BMAL1: variants seen among roughly 807,000 people sequenced by gnomAD.
BMAL1 encodes the protein basic helix-loop-helix ARNT like 1.
At chr11:13,300,376 T>A in the BMAL1 span, among the ~76,000 whole-genome samples, 1 of 152,262 alleles carries the variant, frequency 6.6e-6, no homozygotes, top group African/African-American at 2.4e-5. Flanking sequence ...GAATTTCTTT[T>A]TTCAAGAAGA....
At chr11:13,314,229 CCACACACACA>C in the BMAL1 span, among the ~76,000 whole-genome samples, 29 of 138,746 alleles carry the variant, frequency 2.1e-4, no homozygotes, top group East Asian at 4.4e-4. Context: ...AGGGTGGAGA[CCACACACACA>C]CACACACACA....
chr11:13,293,703 C>G, the BMAL1 span, among the ~76,000 whole-genome samples: 2 of 152,228 alleles, frequency 1.3e-5, no homozygotes, highest in Middle Eastern at 3.2e-3. Context: ...CATGGGCAGA[C>G]GCCTGCAGCT....
chr11:13,378,666 T>G, the BMAL1 span: 2 of 558,234 alleles, frequency 3.6e-6, no homozygotes, highest in Non-Finnish European at 6.0e-6. Context: ...CAACAAAGAA[T>G]TATCCAATCC....
At chr11:13,287,026 A>G in the BMAL1 span, among the ~76,000 whole-genome samples, 5 of 152,190 alleles carry the variant, frequency 3.3e-5, no homozygotes, top group Admixed American at 6.5e-5. Context: ...TTTTTGCTCC[A>G]AAGAAGAAAG....
At chr11:13,372,462 T>C in the BMAL1 span, 2 of 1,598,182 alleles carry the variant, frequency 1.3e-6, no homozygotes, top group South Asian at 1.1e-5. Flanking sequence ...TTTTCAACCC[T>C]GATCTAAAAA....
chr11:13,310,239 T>G, the BMAL1 span, among the ~76,000 whole-genome samples: 1 of 152,176 alleles, frequency 6.6e-6, no homozygotes, highest in Admixed American at 6.5e-5. Context: ...TGTAGGTTTC[T>G]GTGGTAGATG....
chr11:13,316,541 G>GTGGTGACTTCACAGGGTTT, the BMAL1 span, among the ~76,000 whole-genome samples: 1 of 152,100 alleles, frequency 6.6e-6, no homozygotes, highest in African/African-American at 2.4e-5. Context: ...TCACAGGGTT[G>GTGGTGACTTCACAGGGTTT]TTATGACTTC....
At chr11:13,306,055 A>G in the BMAL1 span, among the ~76,000 whole-genome samples, 2 of 152,036 alleles carry the variant, frequency 1.3e-5, no homozygotes, top group Admixed American at 1.3e-4. Flanking sequence ...TCTTATAGTC[A>G]TCTAGCATAG....
At chr11:13,358,445 G>A in the BMAL1 span, 1 of 1,596,642 alleles carries the variant, frequency 6.3e-7, no homozygotes, top group Non-Finnish European at 8.5e-7. Flanking sequence ...GAAGCTCACA[G>A]TCAGATTGAA....
At chr11:13,331,929 G>A in the BMAL1 span, among the ~76,000 whole-genome samples, 2 of 152,118 alleles carry the variant, frequency 1.3e-5, no homozygotes, top group Admixed American at 6.5e-5. Context: ...AAGGCCAGCG[G>A]TTTTAGAGGA....
the BMAL1 span, among the ~76,000 whole-genome samples, chr11:13,334,346 C>T: frequency 1.3e-5 from 2 of 152,174 alleles, no homozygotes. Context: ...AATCATTAGA[C>T]AGGAGCCTTA....
the BMAL1 span, among the ~76,000 whole-genome samples, chr11:13,349,576 TCAA>T: frequency 6.6e-6 from 1 of 152,204 alleles, no homozygotes; most frequent in South Asian, 2.1e-4. Flanking sequence ...AAAATCACAC[TCAA>T]CAAGTTTTCA....
the BMAL1 span, among the ~76,000 whole-genome samples, chr11:13,296,685 ATACTTT>A: frequency 2.0e-5 from 3 of 152,188 alleles, no homozygotes; most frequent in Non-Finnish European, 4.4e-5. Flanking sequence ...TGGGAAATGT[ATACTTT>A]TTGTTCCAAA....
At chr11:13,362,774 C>T in the BMAL1 span, among the ~76,000 whole-genome samples, 1 of 152,136 alleles carries the variant, frequency 6.6e-6, no homozygotes, top group South Asian at 2.1e-4. Context: ...CCGTCGGTGC[C>T]AGCTTCATGG....
chr11:13,358,738 G>C, the BMAL1 span: 4 of 903,250 alleles, frequency 4.4e-6, no homozygotes, highest in South Asian at 1.2e-4. Context: ...AGCAACAGCC[G>C]TGATGCCAAA....
chr11:13,328,033 A>T, the BMAL1 span, among the ~76,000 whole-genome samples: 1 of 152,194 alleles, frequency 6.6e-6, no homozygotes, highest in Non-Finnish European at 1.5e-5. Flanking sequence ...CATTGATACT[A>T]TGTGCTATTT....
chr11:13,282,256 C>G, the BMAL1 span, among the ~76,000 whole-genome samples: 1 of 152,216 alleles, frequency 6.6e-6, no homozygotes, highest in African/African-American at 2.4e-5. Flanking sequence ...TTTTCTTTTG[C>G]TCTCTATGCC....
chr11:13,367,347 T>C, the BMAL1 span, among the ~76,000 whole-genome samples: 1 of 152,198 alleles, frequency 6.6e-6, no homozygotes, highest in Non-Finnish European at 1.5e-5. Flanking sequence ...AAGGCCCCAG[T>C]AGCTGTCATC....
chr11:13,292,387 C>CAA, the BMAL1 span, among the ~76,000 whole-genome samples: 1 of 147,244 alleles, frequency 6.8e-6, no homozygotes, highest in African/African-American at 2.5e-5. Context: ...ACTAAAAATA[C>CAA]AAAAAAAAAA....
Sources: allele counts gnomAD v4.1 joint callset (sites outside exome capture counted in the v4.1 genomes callset), GRCh38; gene constraint gnomAD v4.1.1; transcripts MANE v1.5; gene names NCBI Gene and HGNC (gene_info 2026-07-23, HGNC 2026-07-21).